RYR2: variants seen among roughly 807,000 people sequenced by gnomAD.
The protein encoded by RYR2 is ryanodine receptor 2.
Under a neutral mutation model 601.1 loss-of-function variants are expected in RYR2, and 227 were observed. The observed-to-expected ratio is 0.38, with a 90% CI of 0.34 to 0.42. The LOEUF is 0.42. Among genes scored for constraint, RYR2 ranks in the 10% least tolerant of loss-of-function variants. The pLI is 1.00. For missense variants in RYR2, 4,646 were observed against 6,156.5 expected (o/e 0.75, Z 8.21); for synonymous variants, 2,223 against 2,175.1 (o/e 1.02, Z -0.61).
chr1:237,093,481 G>A (rs146976971), intron 1 of RYR2, among the ~76,000 whole-genome samples: 7 of 152,284 alleles, frequency 4.6e-5, no homozygotes, highest in Admixed American at 2.0e-4. Context: ...ACAGTGACAG[G>A]AGCAGGAGCC....
intron 29 of RYR2, among the ~76,000 whole-genome samples, chr1:237,588,556 G>T (rs1314703123): frequency 6.6e-6 from 1 of 152,112 alleles, no homozygotes. Context: ...ATGAAGGCTG[G>T]GCACAGTGGC....
At chr1:237,745,615 G>A (rs1017468643) in intron 80 of RYR2, among the ~76,000 whole-genome samples, 4 of 152,152 alleles carry the variant, frequency 2.6e-5, no homozygotes, top group African/African-American at 9.7e-5. Context: ...AAAGAAGTCC[G>A]AAAGACGACA....
At chr1:237,103,714 G>A (rs1434985389) in intron 1 of RYR2, among the ~76,000 whole-genome samples, 1 of 152,156 alleles carries the variant, frequency 6.6e-6, no homozygotes, top group African/African-American at 2.4e-5. Flanking sequence ...GATTACAGGT[G>A]TGTGCCACCA....
chr1:237,333,368 C>A (rs1696935855), intron 3 of RYR2, among the ~76,000 whole-genome samples: 1 of 152,202 alleles, frequency 6.6e-6, no homozygotes, highest in Admixed American at 6.5e-5. Context: ...AAATGATATT[C>A]ATTCCTAGCT....
At chr1:237,179,918 GAAAAAGC>G (rs1678512148) in intron 1 of RYR2, among the ~76,000 whole-genome samples, 1 of 152,098 alleles carries the variant, frequency 6.6e-6, no homozygotes, top group African/African-American at 2.4e-5. Context: ...GATTGACCAA[GAAAAAGC>G]AAAAGAGGGT....
At position 237,721,663 on chromosome 1, in the gene RYR2, C is replaced by A. The variant is rs185597855; in HGVS notation, c.10555-1465C>A. Among the ~76,000 whole-genome samples, 285 of 152,120 alleles carry A rather than the reference C, an allele frequency of 1.9e-3. 2 individuals carry two copies. The highest frequency in any genetic ancestry group is 6.6e-3 in the African/African-American group (275 of 41,514). On this transcript the variant is annotated intron_variant, in intron 73 of 104. Coordinates refer to ENST00000366574, the MANE Select transcript of RYR2 (RefSeq NM_001035.3). ...CCTCCCGAGTAGCTGTGATTACAGG[C>A]GTGCACCACCACACCCAGCTAATTT...
chr1:237,191,950 A>C (rs188783209), intron 1 of RYR2, among the ~76,000 whole-genome samples: 12 of 152,284 alleles, frequency 7.9e-5, no homozygotes, highest in African/African-American at 2.9e-4. Context: ...TTGTATATCT[A>C]AGTCCCTAAT....
At chr1:237,351,744 C>T (rs142396197) in intron 3 of RYR2, among the ~76,000 whole-genome samples, 3 of 150,154 alleles carry the variant, frequency 2.0e-5, no homozygotes, top group African/African-American at 4.9e-5. Flanking sequence ...GTTAATTCCA[C>T]CAAACATATA....
intron 3 of RYR2, among the ~76,000 whole-genome samples, chr1:237,346,367 C>CAAAAAAA (rs397975831): frequency 1.1e-4 from 7 of 62,330 alleles, no homozygotes; most frequent in East Asian, 5.4e-4. Flanking sequence ...GGGTCTACCT[C>CAAAAAAA]AAAAAAAAAA....
At chr1:237,358,089 C>G (rs754286579) in intron 4 of RYR2, among the ~76,000 whole-genome samples, 1 of 152,132 alleles carries the variant, frequency 6.6e-6, no homozygotes, top group Non-Finnish European at 1.5e-5. Flanking sequence ...CCTCTACCCA[C>G]CTAACCCAGG....
chr1:237,800,307 T>A (rs1445213532), intron 97 of RYR2, among the ~76,000 whole-genome samples: 19 of 152,296 alleles, frequency 1.2e-4, no homozygotes, highest in African/African-American at 4.6e-4. Flanking sequence ...CCTTTTTTCA[T>A]TTAAGAAAAA....
chr1:237,480,549 T>TTC (rs564084476), intron 17 of RYR2, among the ~76,000 whole-genome samples: 1 of 152,014 alleles, frequency 6.6e-6, no homozygotes, highest in East Asian at 1.9e-4. Context: ...TTAGTTGACA[T>TTC]TCTCTTTTCT....
chr1:237,141,357 G>A (rs887284597), intron 1 of RYR2, among the ~76,000 whole-genome samples: 8 of 152,124 alleles, frequency 5.3e-5, no homozygotes, highest in African/African-American at 7.2e-5. Context: ...AATTTTTATC[G>A]TAAATGATGG....
At chr1:237,354,604 C>A (rs781306068) in intron 3 of RYR2, among the ~76,000 whole-genome samples, 3 of 151,962 alleles carry the variant, frequency 2.0e-5, no homozygotes, top group African/African-American at 4.8e-5. Flanking sequence ...TGCACAATTG[C>A]ACTGTGCTGG....
Position 237,793,981 on chromosome 1 carries a change from C to G in RYR2, c.13897C>G (p.Leu4633Val), listed in dbSNP as rs1484013155. ...EDDIKGQWDR[L>V]VINTQSFPNN... ...TGATATTAAAGGCCAGTGGGATAGACTCGTAATCAACACACAGTGAGTAAA... is the reference window on the plus strand; with the variant it reads ...TGATATTAAAGGCCAGTGGGATAGAGTCGTAATCAACACACAGTGAGTAAA... Residue 4633 changes from leucine (L) to valine (V), a missense_variant, in exon 95 of 105, where the codon CTC (leucine) becomes GTC (valine). Coordinates refer to ENST00000366574, the MANE Select transcript of RYR2 (RefSeq NM_001035.3). 1 of 1,611,376 alleles carries G rather than the reference C, an allele frequency of 6.2e-7. No individual in the cohort carries two copies.
chr1:237,653,860 C>A (rs550231), intron 51 of RYR2, among the ~76,000 whole-genome samples: 46,431 of 152,116 alleles, frequency 0.31, 8,247 homozygotes, highest in East Asian at 0.53. Context: ...GGGCAGGAAG[C>A]ACCCAGCACG....
At chr1:237,713,176 C>G (rs533931834) in intron 71 of RYR2, among the ~76,000 whole-genome samples, 1 of 152,286 alleles carries the variant, frequency 6.6e-6, no homozygotes, top group African/African-American at 2.4e-5. Flanking sequence ...CCTTTTCCCT[C>G]TTTTCCATCA....
intron 32 of RYR2, 67 bp downstream of exon 32, chr1:237,591,920 T>G (rs1223426489): frequency 2.0e-6 from 2 of 1,015,614 alleles, no homozygotes; most frequent in Admixed American, 4.5e-5. Flanking sequence ...TCTCCAGTAA[T>G]ACATACCGAT....
chr1:237,627,277 T>C (rs1038378071), intron 40 of RYR2, among the ~76,000 whole-genome samples: 1 of 152,220 alleles, frequency 6.6e-6, no homozygotes, highest in Non-Finnish European at 1.5e-5. Flanking sequence ...TCAAATCCTT[T>C]TGAAGACATT....
Sources: allele counts gnomAD v4.1 joint callset (sites outside exome capture counted in the v4.1 genomes callset), GRCh38; gene constraint gnomAD v4.1.1; transcripts MANE v1.5; gene names NCBI Gene and HGNC (gene_info 2026-07-23, HGNC 2026-07-21).